Variants in REG4 observed in about 807,000 individuals in gnomAD.
REG4 encodes the protein regenerating islet-derived protein 4.
Under a neutral mutation model 22.3 loss-of-function variants are expected in REG4, and 16 were observed. The ratio of observed to expected loss-of-function variants is 0.72; its 90% CI spans 0.49 to 1.09. REG4 has a LOEUF of 1.09. Ranked by LOEUF, REG4 falls within the 50% of genes least tolerant of loss-of-function variation. The pLI is 0.00. For missense variants in REG4, 214 were observed against 193.9 expected (o/e 1.10, Z -0.61); for synonymous variants, 71 against 69.2 (o/e 1.03, Z -0.13).
At chr1:119,798,241 T>A (rs1448518377) in intron 5 of REG4, among the ~76,000 whole-genome samples, 1 of 152,086 alleles carries the variant, frequency 6.6e-6, no homozygotes, top group African/African-American at 2.4e-5. Flanking sequence ...AGAAAAAAAA[T>A]GAATGGATTT....
chr1:119,806,392 A>G (rs1028569541), intron 2 of REG4, among the ~76,000 whole-genome samples: 1 of 152,214 alleles, frequency 6.6e-6, no homozygotes, highest in East Asian at 1.9e-4. Flanking sequence ...GTGTCCCAGG[A>G]TCCTACAGCA....
At chr1:119,800,041 C>T (rs959861840) in intron 3 of REG4, among the ~76,000 whole-genome samples, 179 bp from the exon 4 acceptor site, 14 of 152,148 alleles carry the variant, frequency 9.2e-5, no homozygotes, top group African/African-American at 2.4e-4. Context: ...ACTGCTGCAG[C>T]GTTCGGTCTC....
intron 1 of REG4, among the ~76,000 whole-genome samples, chr1:119,809,850 G>GT (rs1452492590): frequency 1.3e-5 from 2 of 152,068 alleles, no homozygotes; most frequent in African/African-American, 4.8e-5. Flanking sequence ...ATTTTGTCAA[G>GT]TTTTTGGCTA....
Position 119,799,761 on chromosome 1 carries a change from G to A in REG4, c.267C>T (p.Ser89=). ...CGTGCAGGCCAATCCATATCGGCTGGCTTCTCTGATAGCCACTTATGTACT... is the reference window on the plus strand; with the variant it reads ...CGTGCAGGCCAATCCATATCGGCTGACTTCTCTGATAGCCACTTATGTACT... The part of the protein sequence containing the change: ...IAEYISGYQR[S]QPIWIGLHDP... Residue 89 remains serine (S), a synonymous_variant, in exon 4 of 6, where the codon AGC becomes AGT. Transcript: ENST00000256585. The A allele has an allele frequency of 1.2e-6, 2 of 1,614,096 alleles. No homozygotes were observed. Among genetic ancestry groups the A allele is most frequent in the East Asian group, 2.2e-5 (1 of 44,882 alleles).
intron 3 of REG4, chr1:119,801,301 T>C (rs1654090144): frequency 6.6e-6 from 1 of 152,262 alleles, no homozygotes; most frequent in Non-Finnish European, 1.5e-5. Flanking sequence ...TTGCTTTTAC[T>C]AATTTATCCA....
intron 3 of REG4, among the ~76,000 whole-genome samples, chr1:119,800,387 G>A (rs1462215308): frequency 6.6e-6 from 1 of 152,202 alleles, no homozygotes; most frequent in Non-Finnish European, 1.5e-5. Flanking sequence ...GATTTTAGAG[G>A]TGTCAGTATG....
intron 2 of REG4, 120 bp downstream of exon 2, chr1:119,808,583 T>A: frequency 1.5e-6 from 1 of 687,214 alleles, no homozygotes; most frequent in Non-Finnish European, 2.5e-6. Context: ...TTCATCTCCA[T>A]GTTTAAAAAC....
At chr1:119,809,535 C>T (rs587676301) in intron 1 of REG4, among the ~76,000 whole-genome samples, 19 of 152,200 alleles carry the variant, frequency 1.2e-4, no homozygotes, top group Admixed American at 1.2e-3. Context: ...TGGTGAGTAG[C>T]CTACAGATAT....
intron 2 of REG4, 140 bp downstream of exon 2, chr1:119,808,563 A>T: frequency 1.6e-6 from 1 of 621,224 alleles, no homozygotes; most frequent in Non-Finnish European, 2.9e-6. Flanking sequence ...TTTAGTACCT[A>T]TCTTTGTTTT....
intron 5 of REG4, 88 bp from the exon 6 acceptor site, chr1:119,794,773 A>G (rs1653885164): frequency 9.1e-7 from 1 of 1,095,848 alleles, no homozygotes; most frequent in East Asian, 2.4e-5. Context: ...GGAAGCATAG[A>G]TAAGGCAATA....
At chr1:119,797,547 C>A (rs1031559203) in intron 5 of REG4, among the ~76,000 whole-genome samples, 3 of 152,342 alleles carry the variant, frequency 2.0e-5, no homozygotes, top group Middle Eastern at 3.4e-3. Context: ...CCCAGGCCTG[C>A]TCCAGGCCGA....
At chr1:119,800,951 T>G (rs587628876) in intron 3 of REG4, among the ~76,000 whole-genome samples, 1 of 152,346 alleles carries the variant, frequency 6.6e-6, no homozygotes, top group Non-Finnish European at 1.5e-5. Flanking sequence ...TCTGTTTTAC[T>G]TCTGTATGTC....
At chr1:119,803,864 T>G (rs1654204917) in intron 2 of REG4, among the ~76,000 whole-genome samples, 1 of 151,974 alleles carries the variant, frequency 6.6e-6, no homozygotes. Context: ...GAGGCAGGAA[T>G]GTGTGGGGAA....
rs1653866329 is a variant in REG4, at chr1:119,794,375, C to T, written c.*243G>A. 4 of 609,330 alleles carry T rather than the reference C, an allele frequency of 6.6e-6. No individual in the cohort carries two copies. Among genetic ancestry groups the T allele is most frequent in the Non-Finnish European group, 1.2e-5 (4 of 331,074 alleles). 37.7% of individuals were successfully genotyped at this position (609,330 alleles called of 1,614,324 possible). ...CTAGACTGCTCGAGACAGCCAGAGA[C>T]AGGGGAGGAGGGAAGAAGGATACTG... On this transcript the variant is annotated 3_prime_UTR_variant, in exon 6 of 6. Coordinates refer to ENST00000256585, the MANE Select transcript of REG4 (RefSeq NM_032044.4).
chr1:119,795,339 T>C (rs766307450), intron 5 of REG4, among the ~76,000 whole-genome samples: 6 of 152,160 alleles, frequency 3.9e-5, no homozygotes, highest in Non-Finnish European at 4.4e-5. Context: ...GATCTGAGTG[T>C]GGCCTGTCCT....
At chr1:119,807,549 G>A (rs1654360496) in intron 2 of REG4, among the ~76,000 whole-genome samples, 1 of 152,208 alleles carries the variant, frequency 6.6e-6, no homozygotes, top group Admixed American at 6.5e-5. Flanking sequence ...AAGAGTGGCA[G>A]GGAACCACCT....
rs1654182662 is a variant in REG4, at chr1:119,803,306, A to G, written c.68-141T>C. 2.9e-5 allele frequency: 23 copies of G among 796,940 alleles called. No individual in the cohort carries two copies. The South Asian group carries it at 6.3e-4, about 22-fold the overall frequency. The allele number at this position is 796,940 out of a possible 1,614,324, so 49.4% of individuals were successfully genotyped here. A position where few individuals can be genotyped will look rare whatever the true frequency, so the allele number is the denominator to read the frequency against. On this transcript the variant is annotated intron_variant, in intron 2 of 5. Transcript: ENST00000256585. ...TCCTGCTACACTGCCAAAAATGTAT[A>G]CAGCTTACCCTTCTTCTGGCTTTTC... is the stretch of plus-strand genomic sequence containing the variant.
chr1:119,801,130 G>A (rs982715758), intron 3 of REG4: 8 of 152,126 alleles, frequency 5.3e-5, no homozygotes, highest in African/African-American at 1.9e-4. Flanking sequence ...TCTGTAACCA[G>A]AAACCTATTG....
chr1:119,810,501 G>C (rs1239580674), intron 1 of REG4, among the ~76,000 whole-genome samples: 1 of 152,148 alleles, frequency 6.6e-6, no homozygotes, highest in Non-Finnish European at 1.5e-5. Flanking sequence ...ATGAGACAAA[G>C]CTTGGAGAGT....
Sources: allele counts gnomAD v4.1 joint callset (sites outside exome capture counted in the v4.1 genomes callset), GRCh38; gene constraint gnomAD v4.1.1; transcripts MANE v1.5; gene names NCBI Gene and HGNC (gene_info 2026-07-23, HGNC 2026-07-21).